FBXO8: variants seen among roughly 807,000 people sequenced by gnomAD.
FBXO8 encodes the protein F-box only protein 8.
FBXO8 carries 15 observed loss-of-function variants against 33.4 expected under a neutral mutation model. The observed-to-expected ratio is 0.45, with a 90% CI of 0.30 to 0.69. FBXO8 has a LOEUF of 0.69. Among genes scored for constraint, FBXO8 ranks in the 30% least tolerant of loss-of-function variants. FBXO8 has a pLI of 0.08. For missense variants in FBXO8, 274 were observed against 380.3 expected, an observed-to-expected ratio of 0.72 and a Z score of 2.32; for synonymous variants, 132 against 131.5, an observed-to-expected ratio of 1.00 and a Z score of -0.02.
At position 174,281,729 on chromosome 4, in the gene FBXO8, C is replaced by A. The variant is rs1245322313; in HGVS notation, c.-9+1681G>T. ...GCCCCAAATATGATATAAATTTATTCAAGTCAGCCAAAAATGTTTTAGTTT... is the reference window on the plus strand; with the variant it reads ...GCCCCAAATATGATATAAATTTATTAAAGTCAGCCAAAAATGTTTTAGTTT... On this transcript the variant is annotated intron_variant, in intron 1 of 5. Coordinates refer to ENST00000393674, the MANE Select transcript of FBXO8 (RefSeq NM_012180.3). This position sits in a 1 kb window ranked among gnomAD's most constrained non-coding sequence, Gnocchi z 4.6. Among the ~76,000 whole-genome samples the A allele has an allele frequency of 6.6e-6, 1 of 151,972 alleles. No individual in the cohort carries two copies. The highest frequency in any genetic ancestry group is 1.5e-5 in the Non-Finnish European group (1 of 68,000).
rs771489632 is a variant in FBXO8 at position 174,262,788 on chromosome 4, G to A, written c.305C>T (p.Ala102Val). ...CCCTTGCCAGAGAAGTTCATCATTC[G>A]CAAGGTCCTGCCAAACACATGAAGC... ...CLASCVWQDL[A>V]NDELLWQGLC... Residue 102 changes from alanine to valine, a missense_variant, in exon 2 of 6, where the codon GCG becomes GTG. Ala to Val is a moderately conservative substitution (Grantham distance 64, BLOSUM62 0). Transcript: ENST00000393674. The surrounding 1 kb of genome is among the most constrained non-coding windows in gnomAD (Gnocchi z 4.6). 3 of 1,613,418 alleles carry A rather than the reference G, an allele frequency of 1.9e-6. No individual in the cohort carries two copies. Among genetic ancestry groups the A allele is most frequent in the African/African-American group, 1.3e-5 (1 of 75,008 alleles).
chr4:174,259,892 T>C lies in FBXO8; in HGVS notation c.330-67A>G. The C allele has an allele frequency of 2.2e-6, 3 of 1,392,018 alleles. No homozygotes were observed. The highest frequency in any genetic ancestry group is 2.9e-6 in the Non-Finnish European group (3 of 1,034,004). The allele number at this position is 1,392,018 out of a possible 1,614,324, so 86.2% of individuals were successfully genotyped here. On this transcript the variant is annotated intron_variant, in intron 2 of 5. Coordinates refer to ENST00000393674, the MANE Select transcript of FBXO8 (RefSeq NM_012180.3). The surrounding 1 kb of genome is among the most constrained non-coding windows in gnomAD (Gnocchi z 4.3). ...TTTAATTTCCTAAGTTAAATATGCA[T>C]ATACATGCAAAAATAGTAACATGAA... is the stretch of plus-strand genomic sequence containing the variant.
rs1202117343 is a variant in FBXO8, at chr4:174,277,004, T to C, written c.-9+6406A>G. Among the ~76,000 whole-genome samples, 1 of 152,226 alleles carries C rather than the reference T, an allele frequency of 6.6e-6. No individual in the cohort carries two copies. The highest frequency in any genetic ancestry group is 2.4e-5 in the African/African-American group (1 of 41,470). On this transcript the variant is annotated intron_variant, in intron 1 of 5. Transcript: ENST00000393674. The surrounding 1 kb of genome is among the most constrained non-coding windows in gnomAD (Gnocchi z 4.9). ...AGCAGTATGTAGTTTCTGAAACAGC[T>C]ATATTGTTCTGACATAATTTTGGAT...
chr4:174,244,455 C>G (rs1736113547), intron 3 of FBXO8, among the ~76,000 whole-genome samples: 1 of 151,654 alleles, frequency 6.6e-6, no homozygotes, highest in Non-Finnish European at 1.5e-5. Context: ...TAAGATTAAG[C>G]TTCAAACTCA....
At chr4:174,250,420 C>A (rs1030909978) in intron 3 of FBXO8, among the ~76,000 whole-genome samples, 1 of 152,016 alleles carries the variant, frequency 6.6e-6, no homozygotes, top group Non-Finnish European at 1.5e-5. Flanking sequence ...AAAACCCCAG[C>A]ACACTTTGAA....
intron 1 of FBXO8, among the ~76,000 whole-genome samples, chr4:174,264,119 G>T (rs1156621736): frequency 6.6e-6 from 1 of 151,820 alleles, no homozygotes; most frequent in Non-Finnish European, 1.5e-5. Flanking sequence ...TCAAAAACTT[G>T]GAAAAAATAC....
In FBXO8 at chr4:174,272,285, C is replaced by T. The variant is rs1220340703; in HGVS notation, c.-8-9185G>A. Among the ~76,000 whole-genome samples, 1 of 152,142 alleles carries T rather than the reference C, an allele frequency of 6.6e-6. No individual in the cohort carries two copies. Among genetic ancestry groups the T allele is most frequent in the Non-Finnish European group, 1.5e-5 (1 of 68,024 alleles). Reference sequence around the variant, plus strand: ...TACCAAAATCCATGAATGCTCAAGTCCCTTGTATAAAATGGCATAGTATAC... The same window carrying T: ...TACCAAAATCCATGAATGCTCAAGTTCCTTGTATAAAATGGCATAGTATAC... On this transcript the variant is annotated intron_variant, in intron 1 of 5. Coordinates refer to ENST00000393674, the MANE Select transcript of FBXO8 (RefSeq NM_012180.3). This position sits in a 1 kb window ranked among gnomAD's most constrained non-coding sequence, Gnocchi z 4.7.
chr4:174,242,339 C>T (rs1370556308), intron 3 of FBXO8, among the ~76,000 whole-genome samples: 3 of 151,510 alleles, frequency 2.0e-5, no homozygotes, highest in Admixed American at 6.6e-5. Context: ...TAAAAACTTT[C>T]TCATAAAACT....
At position 174,262,103 on chromosome 4, in the gene FBXO8, T is replaced by G. The variant is rs1016563514; in HGVS notation, c.329+661A>C. On this transcript the variant is annotated intron_variant, in intron 2 of 5. Transcript: ENST00000393674. This position sits in a 1 kb window ranked among gnomAD's most constrained non-coding sequence, Gnocchi z 4.6. ...CAGCAAATGTTCTTAGATTTGTGGT[T>G]TTAATTCAGACTAGTACAATGTGGA... Among the ~76,000 whole-genome samples the G allele has an allele frequency of 6.6e-6, 1 of 152,140 alleles. No homozygotes were observed. The highest frequency in any genetic ancestry group is 2.4e-5 in the African/African-American group (1 of 41,428).
chr4:174,240,782 A>T (rs1261815639), intron 4 of FBXO8, among the ~76,000 whole-genome samples: 2 of 151,726 alleles, frequency 1.3e-5, no homozygotes, highest in Admixed American at 1.3e-4. Context: ...ATAAACACTT[A>T]GATTATGGCT....
chr4:174,264,045 C>A (rs921678045), intron 1 of FBXO8, among the ~76,000 whole-genome samples: 1 of 152,164 alleles, frequency 6.6e-6, no homozygotes, highest in Non-Finnish European at 1.5e-5. Context: ...TAATTACTTT[C>A]ATGATCTCTT....
At position 174,237,972 on chromosome 4, in the gene FBXO8, T is replaced by C. The variant is rs1036747736; in HGVS notation, c.773-373A>G. Reference sequence around the variant, plus strand: ...TTGCTTTCAAATGTGATATTTCTATTCAAACATCCATAAAATACATTTGTA... The same window carrying C: ...TTGCTTTCAAATGTGATATTTCTATCCAAACATCCATAAAATACATTTGTA... On this transcript the variant is annotated intron_variant, in intron 5 of 5. Transcript: ENST00000393674. This position sits in a 1 kb window ranked among gnomAD's most constrained non-coding sequence, Gnocchi z 4.4. 6.6e-6 allele frequency among the ~76,000 whole-genome samples: 1 copy of C among 152,022 alleles called. No homozygotes were observed. Among genetic ancestry groups the C allele is most frequent in the African/African-American group, 2.4e-5 (1 of 41,436 alleles).
chr4:174,274,238 C>T lies in FBXO8; in HGVS notation c.-9+9172G>A, dbSNP rs998507746. 2.6e-5 allele frequency among the ~76,000 whole-genome samples: 4 copies of T among 152,162 alleles called. No individual in the cohort carries two copies. Among genetic ancestry groups the T allele is most frequent in the Admixed American group, 6.5e-5 (1 of 15,278 alleles). ...GAAAGATCAGCATCAAACCCCAACA[C>T]GGAATCTGATTAGCCTGTGATTTCT... On this transcript the variant is annotated intron_variant, in intron 1 of 5. Coordinates refer to ENST00000393674, the MANE Select transcript of FBXO8 (RefSeq NM_012180.3). The surrounding 1 kb of genome is among the most constrained non-coding windows in gnomAD (Gnocchi z 4.0).
chr4:174,239,580 A>T (rs1735979791), intron 4 of FBXO8, among the ~76,000 whole-genome samples: 1 of 151,898 alleles, frequency 6.6e-6, no homozygotes, highest in Non-Finnish European at 1.5e-5. Flanking sequence ...ACCTATACCA[A>T]TTCACATCTT....
chr4:174,282,422 A>G (rs1737128535), intron 1 of FBXO8, among the ~76,000 whole-genome samples: 1 of 152,236 alleles, frequency 6.6e-6, no homozygotes, highest in African/African-American at 2.4e-5. Context: ...ACCCAGCAAT[A>G]GACAACTAAT....
At chr4:174,268,580 C>T (rs929523098) in intron 1 of FBXO8, among the ~76,000 whole-genome samples, 5 of 148,772 alleles carry the variant, frequency 3.4e-5, no homozygotes, top group South Asian at 2.2e-4. Context: ...GGACTACAGG[C>T]GCCTGCTACC....
Position 174,257,260 on chromosome 4 carries a change from A to G in FBXO8, c.456+2439T>C, listed in dbSNP as rs1459031776. Among the ~76,000 whole-genome samples, 1 of 152,082 alleles carries G rather than the reference A, an allele frequency of 6.6e-6. No homozygotes were observed. Among genetic ancestry groups the G allele is most frequent in the Non-Finnish European group, 1.5e-5 (1 of 67,982 alleles). On this transcript the variant is annotated intron_variant, in intron 3 of 5. Transcript: ENST00000393674. This position sits in a 1 kb window ranked among gnomAD's most constrained non-coding sequence, Gnocchi z 4.3. The stretch of plus-strand genomic sequence containing the variant: ...TTTTAGCATATGAGGACCCATGTGT[A>G]TTTTCATCTTTGTGTAAAAATGATT...
rs778822755 is a variant in FBXO8, at chr4:174,263,738, C to T, written c.-8-638G>A. ...AGTAGACTATTTAGTTTTGTTGTTGCCTTAAATTAAAAATTGTAATTTAGA... is the reference window on the plus strand; with the variant it reads ...AGTAGACTATTTAGTTTTGTTGTTGTCTTAAATTAAAAATTGTAATTTAGA... On this transcript the variant is annotated intron_variant, in intron 1 of 5. Coordinates refer to ENST00000393674, the MANE Select transcript of FBXO8 (RefSeq NM_012180.3). The surrounding 1 kb of genome is among the most constrained non-coding windows in gnomAD (Gnocchi z 4.2). 1.4e-4 allele frequency among the ~76,000 whole-genome samples: 22 copies of T among 152,070 alleles called. No homozygotes were observed. Among genetic ancestry groups the T allele is most frequent in the Non-Finnish European group, 2.8e-4 (19 of 68,020 alleles).
Position 174,270,815 on chromosome 4 carries a change from C to T in FBXO8, c.-8-7715G>A, listed in dbSNP as rs1736821691. 6.6e-6 allele frequency among the ~76,000 whole-genome samples: 1 copy of T among 152,016 alleles called. No homozygotes were observed. The highest frequency in any genetic ancestry group is 1.5e-5 in the Non-Finnish European group (1 of 68,010). On this transcript the variant is annotated intron_variant, in intron 1 of 5. Coordinates refer to ENST00000393674, the MANE Select transcript of FBXO8 (RefSeq NM_012180.3). This position sits in a 1 kb window ranked among gnomAD's most constrained non-coding sequence, Gnocchi z 4.6. ...ATTTTTAGTAGAGACGGAGTTTCAC[C>T]ATGTTGGCCAGGATGGTCTACGAAC...
Sources: gnomAD v4.1 joint callset for allele counts (sites outside exome capture counted in the v4.1 genomes callset) on GRCh38, gnomAD v4.1.1 for gene constraint, Gnocchi (gnomAD v3.1) non-coding constraint, MANE v1.5 for transcripts, NCBI Gene and HGNC (gene_info 2026-07-23, HGNC 2026-07-21) for gene names.